RPAIN: variants seen among roughly 807,000 people sequenced by gnomAD.
RPAIN encodes the protein RPA-interacting protein.
A neutral mutation model predicts 30.5 loss-of-function variants in RPAIN; 29 were observed. That is an observed-to-expected ratio of 0.95 (90% confidence interval 0.71 to 1.30). The LOEUF (loss-of-function observed/expected upper bound fraction) is 1.30. RPAIN is among the 50% of genes most tolerant of loss of function. The probability of loss-of-function intolerance (pLI) is 0.00; values close to 1 mark genes in which losing one functional copy is unlikely to be tolerated. For missense variants in RPAIN, 247 were observed against 264.7 expected (o/e 0.93, Z 0.46); for synonymous variants, 101 against 93.5 (o/e 1.08, Z -0.46).
In RPAIN at chr17:5,431,745, C is replaced by T. The variant is rs989326714; in HGVS notation, c.631-797C>T. On this transcript the variant is annotated intron_variant, in intron 6 of 6. Transcript: ENST00000381209. ...CTCTATCACAAGACGAGGAATGTTT[C>T]GGATGTGGCGGTGCTCAAGTGGTGG... 9 of 425,300 alleles carry T rather than the reference C, an allele frequency of 2.1e-5. No individual in the cohort carries two copies. The East Asian group carries it at 3.6e-4, about 17-fold the overall frequency. 26.3% of individuals were successfully genotyped at this position (425,300 alleles called of 1,614,324 possible).
At chr17:5,427,738 G>A in intron 5 of RPAIN, 1 of 332,864 alleles carries the variant, frequency 3.0e-6, no homozygotes, top group Admixed American at 4.4e-5. Flanking sequence ...AGCATATACT[G>A]CTAGTTGTTG....
At chr17:5,423,130 G>A (rs1318797405) in intron 3 of RPAIN, 2 of 230,626 alleles carry the variant, frequency 8.7e-6, no homozygotes, top group African/African-American at 4.5e-5. Context: ...AGGTCATACA[G>A]CTAGTAAGTG....
chr17:5,420,669 C>T (rs8074617), intron 1 of RPAIN, among the ~76,000 whole-genome samples: 45,201 of 151,768 alleles, frequency 0.3, 7,934 homozygotes, highest in East Asian at 0.81. Context: ...GGCTCCACCT[C>T]AGTTCTGGCC....
chr17:5,431,677 T>C lies in RPAIN; in HGVS notation c.631-865T>C, dbSNP rs1214635455. The stretch of plus-strand genomic sequence containing the variant: ...CGTAGGGACGCTCAGGACAGATGGC[T>C]GAGGATGTGTTGAAAGATAGGGGTG... On this transcript the variant is annotated intron_variant, in intron 6 of 6. Transcript: ENST00000381209. The C allele has an allele frequency of 8.8e-6, 4 of 454,518 alleles. No individual in the cohort carries two copies. In the Admixed American group the frequency reaches 9.5e-5, roughly 11 times the overall value. 28.2% of individuals were successfully genotyped at this position (454,518 alleles called of 1,614,324 possible). A position where few individuals can be genotyped will look rare whatever the true frequency, so the allele number is the denominator to read the frequency against.
chr17:5,425,880 G>A (rs544207763), intron 3 of RPAIN, 91 bp from the exon 4 acceptor site: 3 of 780,800 alleles, frequency 3.8e-6, no homozygotes, highest in South Asian at 1.6e-5. Context: ...TCTTTCCCTC[G>A]TGTGAAGGAA....
chr17:5,426,202 C>T (rs756000457), intron 4 of RPAIN, 34 bp from the exon 5 acceptor site: 3 of 1,607,132 alleles, frequency 1.9e-6, no homozygotes, highest in Non-Finnish European at 2.6e-6. Flanking sequence ...GGTCTGGTGG[C>T]CATGATGCTC....
In RPAIN at chr17:5,421,467, G is replaced by A. The variant is rs141144133; in HGVS notation, c.252+1G>A. On this transcript the variant is annotated splice_donor_variant, in intron 2 of 6. Transcript: ENST00000381209. LOFTEE classifies it high-confidence loss of function. ...GAATTGTCCAGAAGACTTGGCTCAG[G>A]TCAGGCTGGGCTATGTGTTTTCAGG... 435 of 1,613,634 alleles carry A rather than the reference G, an allele frequency of 2.7e-4. No individual in the cohort carries two copies. The highest frequency in any genetic ancestry group is 3.5e-4 in the Non-Finnish European group (408 of 1,179,884).
chr17:5,431,955 G>A, intron 6 of RPAIN: 2 of 258,256 alleles, frequency 7.7e-6, no homozygotes, highest in Admixed American at 5.1e-5. Context: ...CATCGCCAAG[G>A]TCTGATTTTT....
rs1597344346 is a variant in RPAIN at position 5,428,071 on chromosome 17, T to C, written c.490T>C (p.Ser164Pro). The C allele has an allele frequency of 6.2e-7, 1 of 1,614,100 alleles. No homozygotes were observed. The highest frequency in any genetic ancestry group is 8.5e-7 in the Non-Finnish European group (1 of 1,180,006). The stretch of plus-strand genomic sequence containing the variant: ...GAGGTTGAACTTTTTTATTTTGTAG[T>C]CTTCTGAGTTGACAGAGCAGAAGCT... ...CQCGLSIPSH[S>P]SELTEQKLRA... The change falls in exon 6 of 7, where the codon TCT (serine) becomes CCT (proline). Residue 164 changes from serine to proline, a missense_variant and splice_region_variant. Physicochemically the swap from Ser to Pro is moderately conservative, Grantham distance 74. Coordinates refer to ENST00000381209, the MANE Select transcript of RPAIN (RefSeq NM_001033002.4).
At position 5,432,188 on chromosome 17, in the gene RPAIN, T is replaced by C. The variant is rs1280414946; in HGVS notation, c.631-354T>C. 2.1e-5 allele frequency: 5 copies of C among 242,042 alleles called. No individual in the cohort carries two copies. In the East Asian group the frequency reaches 4.7e-4, roughly 23 times the overall value. The allele number at this position is 242,042 out of a possible 1,614,324, so 15.0% of individuals were successfully genotyped here. A position where few individuals can be genotyped will look rare whatever the true frequency, so the allele number is the denominator to read the frequency against. On this transcript the variant is annotated intron_variant, in intron 6 of 6. Coordinates refer to ENST00000381209, the MANE Select transcript of RPAIN (RefSeq NM_001033002.4). ...AATCTTGTGTAGATTTGGAGTCTCA[T>C]CTTCCTGCTGGGCTCTAAAAGCTCC...
chr17:5,431,216 G>A, intron 6 of RPAIN: 1 of 340,246 alleles, frequency 2.9e-6, no homozygotes, highest in Non-Finnish European at 5.7e-6. Context: ...GCCAGGCACT[G>A]TGGTTCACAC....
Position 5,421,533 on chromosome 17 carries a change from T to C in RPAIN, c.252+67T>C. On this transcript the variant is annotated intron_variant, in intron 2 of 6. Coordinates refer to ENST00000381209, the MANE Select transcript of RPAIN (RefSeq NM_001033002.4). ...ACCAAGAACGGCTCGTGTCCTCTTT[T>C]ATTTGTTTACTTGAGTCCTCTAAAC... 8 of 1,476,306 alleles carry C rather than the reference T, an allele frequency of 5.4e-6. No homozygotes were observed. In the South Asian group the frequency reaches 9.8e-5, roughly 18 times the overall value. 91.5% of individuals were successfully genotyped at this position (1,476,306 alleles called of 1,614,324 possible).
Position 5,426,088 on chromosome 17 carries a change from AG to A in RPAIN, c.425+7del. 6.2e-7 allele frequency: 1 copy of A among 1,603,360 alleles called. No homozygotes were observed. Among genetic ancestry groups the A allele is most frequent in the Non-Finnish European group, 8.5e-7 (1 of 1,170,424 alleles). ...ATCTGTCCTGTATGTACAAAGTAAG[AG>A]TTTTTAAAACCTTTTCAGCATTATT... On this transcript the variant is annotated splice_region_variant and intron_variant, in intron 4 of 6. Transcript: ENST00000381209.
intron 6 of RPAIN, chr17:5,431,084 A>G (rs2151672272): frequency 7.9e-6 from 2 of 254,432 alleles, no homozygotes; most frequent in East Asian, 2.7e-4. Flanking sequence ...GAGGTTTGGA[A>G]GGTGAGTGCT....
At chr17:5,423,851 T>A (rs939647990) in intron 3 of RPAIN, among the ~76,000 whole-genome samples, 1 of 151,836 alleles carries the variant, frequency 6.6e-6, no homozygotes, top group Non-Finnish European at 1.5e-5. Flanking sequence ...CTCCTGGGCT[T>A]AAGCGATCTT....
chr17:5,425,288 C>G (rs529909018), intron 3 of RPAIN: 1 of 455,850 alleles, frequency 2.2e-6, no homozygotes, highest in East Asian at 7.0e-5. Context: ...AACACAGATT[C>G]CAAGTATGTG....
chr17:5,421,541 T>A, intron 2 of RPAIN, 75 bp downstream of exon 2: 1 of 1,407,286 alleles, frequency 7.1e-7, no homozygotes, highest in Non-Finnish European at 9.8e-7. Context: ...TTTATTTGTT[T>A]ACTTGAGTCC....
intron 3 of RPAIN, 45 bp from the exon 4 acceptor site, chr17:5,425,926 C>T (rs1915338398): frequency 1.6e-6 from 2 of 1,269,470 alleles, no homozygotes; most frequent in East Asian, 2.3e-5. Context: ...AAATACAGGG[C>T]CAGCTGAAGC....
intron 3 of RPAIN, chr17:5,424,994 G>A (rs1255448644): frequency 4.3e-5 from 10 of 235,124 alleles, no homozygotes; most frequent in Non-Finnish European, 4.2e-5. Context: ...ACATTCTAAA[G>A]CAGAAGTTGG....
Sources: gnomAD v4.1 joint callset for allele counts (sites outside exome capture counted in the v4.1 genomes callset) on GRCh38, gnomAD v4.1.1 for gene constraint, MANE v1.5 for transcripts, NCBI Gene and HGNC (gene_info 2026-07-23, HGNC 2026-07-21) for gene names.